The following SORCS2 variants were observed in gnomAD, a reference collection of about 807,000 sequenced individuals.
SORCS2 encodes sortilin related VPS10 domain containing receptor 2.
A neutral mutation model predicts 141.6 loss-of-function variants in SORCS2; 100 were observed. That is an observed-to-expected ratio of 0.71 (90% CI 0.60 to 0.83). The LOEUF (loss-of-function observed/expected upper bound fraction) is 0.83. SORCS2 is among the 40% of genes least tolerant of loss of function. The pLI is 0.00. For missense variants in SORCS2, 1,646 were observed against 1,560.2 expected (o/e 1.05, Z -0.93); for synonymous variants, 789 against 676.9 (o/e 1.17, Z -2.57).
intron 9 of SORCS2, among the ~76,000 whole-genome samples, chr4:7,680,926 C>A (rs143931692): frequency 6.6e-6 from 1 of 152,228 alleles, no homozygotes; most frequent in Non-Finnish European, 1.5e-5. Context: ...CACTTTGAAA[C>A]AGATAATTTG....
chr4:7,731,942 T>C (rs187254510), intron 23 of SORCS2, among the ~76,000 whole-genome samples: 1 of 152,018 alleles, frequency 6.6e-6, no homozygotes, highest in Non-Finnish European at 1.5e-5. Flanking sequence ...AACGCAAAAA[T>C]AGACAAACAG....
rs191021957 is a variant in SORCS2 at position 7,689,564 on chromosome 4, G to T, written c.1567G>T (p.Ala523Ser). 1.2e-6 allele frequency: 2 copies of T among 1,601,788 alleles called. No individual in the cohort carries two copies. The highest frequency in any genetic ancestry group is 1.7e-5 in the Admixed American group (1 of 58,750). ...AGGCACCGTGCACACCAAGGACACC[G>T]CCCCAGGCCTCATCATGGGTGCAGG... ...VSGTVHTKDT[A>S]PGLIMGAGNL... Residue 523 changes from alanine (A) to serine (S), a missense_variant, in exon 11 of 27, where the codon GCC becomes TCC. Ala to Ser is a moderately conservative substitution (Grantham distance 99). Transcript: ENST00000507866.
At chr4:7,373,922 C>A (rs1436251305) in intron 1 of SORCS2, among the ~76,000 whole-genome samples, 1 of 152,110 alleles carries the variant, frequency 6.6e-6, no homozygotes, top group Non-Finnish European at 1.5e-5. Context: ...TTCCGTTTAT[C>A]TATAGATTAA....
chr4:7,388,079 C>G (rs1274150385), intron 1 of SORCS2, among the ~76,000 whole-genome samples: 1 of 145,754 alleles, frequency 6.9e-6, no homozygotes, highest in Non-Finnish European at 1.5e-5. Flanking sequence ...CAGAGATACA[C>G]ACACACATGC....
At chr4:7,225,893 G>A (rs1305881543) in intron 1 of SORCS2, among the ~76,000 whole-genome samples, 2 of 152,176 alleles carry the variant, frequency 1.3e-5, no homozygotes, top group Admixed American at 6.5e-5. Flanking sequence ...GAGGCTGTGT[G>A]GCCTTTTGGG....
intron 10 of SORCS2, among the ~76,000 whole-genome samples, chr4:7,685,105 G>T (rs1248340156): frequency 1.3e-5 from 2 of 152,226 alleles, no homozygotes; most frequent in Non-Finnish European, 2.9e-5. Context: ...GAACAGAATT[G>T]CTGTGAAAGG....
chr4:7,486,595 C>T (rs557806998), intron 2 of SORCS2, among the ~76,000 whole-genome samples: 216 of 152,330 alleles, frequency 1.4e-3, no homozygotes, highest in Non-Finnish European at 2.6e-3. Context: ...GAACAGATGA[C>T]CCCAGACCTG....
At chr4:7,314,625 C>T (rs546120818) in intron 1 of SORCS2, among the ~76,000 whole-genome samples, 72 of 152,254 alleles carry the variant, frequency 4.7e-4, no homozygotes, top group African/African-American at 1.6e-3. Flanking sequence ...AGGCGTGAGC[C>T]ACCGCACCCG....
Position 7,531,565 on chromosome 4 carries a change from C to G in SORCS2, c.584C>G (p.Thr195Ser). 1.9e-6 allele frequency: 3 copies of G among 1,613,932 alleles called. No homozygotes were observed. Among genetic ancestry groups the G allele is most frequent in the Non-Finnish European group, 2.5e-6 (3 of 1,179,866 alleles). The change falls in exon 3 of 27, where the codon ACC (threonine) becomes AGC (serine). Residue 195 changes from threonine (T) to serine (S), a missense_variant. By Grantham distance (58) the Thr-to-Ser change is moderately conservative. Coordinates refer to ENST00000507866, the MANE Select transcript of SORCS2 (RefSeq NM_020777.3). The stretch of plus-strand genomic sequence containing the variant: ...TTCGGGACGTCCTACACCAAGCTCA[C>G]CCTCCAGCCTGGTGTCACCACCGTC... ...SDFGTSYTKL[T>S]LQPGVTTVID...
intron 4 of SORCS2, among the ~76,000 whole-genome samples, chr4:7,645,699 A>C (rs1039821468): frequency 1.2e-4 from 18 of 152,182 alleles, no homozygotes; most frequent in African/African-American, 4.3e-4. Context: ...AAGCTTATTA[A>C]AAGCTCCTTG....
intron 2 of SORCS2, among the ~76,000 whole-genome samples, chr4:7,423,565 C>T (rs1473265043): frequency 6.6e-6 from 1 of 152,180 alleles, no homozygotes; most frequent in Non-Finnish European, 1.5e-5. Context: ...CTGGTGTGCA[C>T]CACCACACCC....
rs377431157 is a variant in SORCS2, at chr4:7,674,578, TAAAAAAAAAAAA to T, written c.1162-1456_1162-1445del. On this transcript the variant is annotated intron_variant, in intron 8 of 26. Coordinates refer to ENST00000507866, the MANE Select transcript of SORCS2 (RefSeq NM_020777.3). ...GACAGAGCGAGACTCTGTCTCAAAA[TAAAAAAAAAAAA>T]AAAAAAAAAAAAAAAGCAACCCTCT... 6.9e-3 allele frequency among the ~76,000 whole-genome samples: 568 copies of T among 82,608 alleles called. 6 individuals carry two copies. The highest frequency in any genetic ancestry group is 0.021 in the African/African-American group (535 of 25,994). The allele number at this position is 82,608 out of a possible 152,430, so 54.2% of individuals were successfully genotyped here.
chr4:7,700,841 T>A (rs568804932), intron 12 of SORCS2, among the ~76,000 whole-genome samples: 1 of 152,314 alleles, frequency 6.6e-6, no homozygotes, highest in South Asian at 2.1e-4. Context: ...TGTCTCCACC[T>A]GTGTGGGGGC....
Position 7,676,142 on chromosome 4 carries a change from C to A in SORCS2, c.1254C>A (p.Asp418Glu). Reference sequence around the variant, plus strand: ...ACACCTACAACCTGTACCAGTCGGACCCACGGGGCGTGCGCTACGCGCTGG... The same window carrying A: ...ACACCTACAACCTGTACCAGTCGGAACCACGGGGCGTGCGCTACGCGCTGG... ...QMDTYNLYQS[D>E]PRGVRYALVL... Residue 418 changes from aspartate (D) to glutamate (E), a missense_variant, in exon 9 of 27, where the codon GAC becomes GAA. By Grantham distance (45) the Asp-to-Glu change is conservative. Transcript: ENST00000507866. 3.2e-6 allele frequency: 5 copies of A among 1,573,080 alleles called. No homozygotes were observed. The highest frequency in any genetic ancestry group is 4.3e-6 in the Non-Finnish European group (5 of 1,158,168).
intron 11 of SORCS2, among the ~76,000 whole-genome samples, chr4:7,695,508 A>G (rs1342397346): frequency 3.7e-5 from 1 of 27,014 alleles, no homozygotes; most frequent in Non-Finnish European, 6.8e-5. Flanking sequence ...GGGTGAGTGG[A>G]TGGGTGGGTG....
intron 1 of SORCS2, among the ~76,000 whole-genome samples, chr4:7,339,579 G>A (rs1280617466): frequency 2.0e-5 from 3 of 152,148 alleles, no homozygotes; most frequent in South Asian, 2.1e-4. Context: ...TCTTCACACG[G>A]TGTTCTCCCG....
chr4:7,341,099 A>G (rs1041753633), intron 1 of SORCS2, among the ~76,000 whole-genome samples: 1 of 152,172 alleles, frequency 6.6e-6, no homozygotes, highest in Non-Finnish European at 1.5e-5. Flanking sequence ...GGTGGGGAGG[A>G]TGGTCTTGTT....
At chr4:7,197,921 A>C (rs1727264594) in intron 1 of SORCS2, among the ~76,000 whole-genome samples, 1 of 152,164 alleles carries the variant, frequency 6.6e-6, no homozygotes, top group Non-Finnish European at 1.5e-5. Context: ...TGAAAATGGG[A>C]GAAGTAAAGG....
chr4:7,403,997 A>ATATATATATATATATTTTT (rs1265288820), intron 2 of SORCS2, among the ~76,000 whole-genome samples: 14 of 18,940 alleles, frequency 7.4e-4, no homozygotes, highest in Non-Finnish European at 1.4e-3. Flanking sequence ...ATATATATAT[A>ATATATATATATATATTTTT]TTTTTTTTTT....
Sources: allele counts gnomAD v4.1 joint callset (sites outside exome capture counted in the v4.1 genomes callset), GRCh38; gene constraint gnomAD v4.1.1; transcripts MANE v1.5; gene names NCBI Gene and HGNC (gene_info 2026-07-23, HGNC 2026-07-21).